The following MALRD1 variants were observed in gnomAD, a reference collection of about 807,000 sequenced individuals.
MALRD1 encodes MAM and LDL-receptor class A domain-containing protein 1.
MALRD1 carries 247 observed loss-of-function variants against 242.1 expected under a neutral mutation model. The ratio of observed to expected loss-of-function variants is 1.02; its 90% confidence interval spans 0.92 to 1.13. The LOEUF (loss-of-function observed/expected upper bound fraction) is 1.13. Ranked by LOEUF, MALRD1 falls within the 50% of genes most tolerant of loss-of-function variation. The pLI is 0.00. For synonymous variants in MALRD1, 995 were observed against 866.6 expected (o/e 1.15, Z -2.60); for missense variants, 2,989 against 2,533.1 (o/e 1.18, Z -3.86).
intron 7 of MALRD1, among the ~76,000 whole-genome samples, chr10:19,126,341 C>T (rs1837282320): frequency 6.6e-6 from 1 of 152,026 alleles, no homozygotes; most frequent in Admixed American, 6.6e-5. Context: ...TCTTGAGTTT[C>T]TATTAAACAC....
intron 23 of MALRD1, among the ~76,000 whole-genome samples, chr10:19,327,894 G>A (rs561313633): frequency 1.3e-5 from 2 of 152,080 alleles, no homozygotes; most frequent in South Asian, 4.2e-4. Context: ...GTACCTCTAG[G>A]AACATTTAAT....
chr10:19,255,665 GCTAA>G (rs1196578354), intron 18 of MALRD1, among the ~76,000 whole-genome samples: 4 of 152,000 alleles, frequency 2.6e-5, no homozygotes, highest in Non-Finnish European at 5.9e-5. Flanking sequence ...TCTCAAGAAT[GCTAA>G]CATTTAGAGG....
chr10:19,732,681 C>T (rs1327279068), intron 39 of MALRD1, among the ~76,000 whole-genome samples: 9 of 152,150 alleles, frequency 5.9e-5, no homozygotes, highest in Non-Finnish European at 1.3e-4. Context: ...ATTAGTGCCT[C>T]ATAAACTTGT....
chr10:19,115,815 G>T (rs565588070), intron 5 of MALRD1, among the ~76,000 whole-genome samples: 2 of 152,230 alleles, frequency 1.3e-5, no homozygotes, highest in African/African-American at 4.8e-5. Context: ...GGCAGAGGTT[G>T]CAGTGAGCTG....
intron 28 of MALRD1, among the ~76,000 whole-genome samples, chr10:19,438,735 G>C (rs1182220829): frequency 6.6e-6 from 1 of 152,140 alleles, no homozygotes; most frequent in South Asian, 2.1e-4. Context: ...GTTTACTTTA[G>C]TGTTCATACA....
Position 19,204,416 on chromosome 10 carries a change from A to G in MALRD1, c.2210+3A>G. The G allele has an allele frequency of 6.5e-7, 1 of 1,536,010 alleles. No individual in the cohort carries two copies. The highest frequency in any genetic ancestry group is 2.5e-5 in the East Asian group (1 of 40,804). ...CCTGGATGCATACTTTCCTTCTGGT[A>G]AATATTAAACAAATATTTAAACAAT... On this transcript the variant is annotated splice_donor_region_variant and intron_variant, in intron 16 of 39. Coordinates refer to ENST00000454679, the MANE Select transcript of MALRD1 (RefSeq NM_001142308.3).
intron 21 of MALRD1, among the ~76,000 whole-genome samples, chr10:19,315,726 T>C (rs1313196973): frequency 7.2e-6 from 1 of 137,934 alleles, no homozygotes; most frequent in Non-Finnish European, 1.5e-5. Context: ...TATTGCATAT[T>C]ATAATGTTAT....
chr10:19,372,840 A>C (rs1055598378), intron 26 of MALRD1, among the ~76,000 whole-genome samples: 7 of 152,150 alleles, frequency 4.6e-5, no homozygotes, highest in African/African-American at 1.7e-4. Context: ...ATTTAACTGG[A>C]TAAGAGAGCT....
chr10:19,630,826 A>G (rs1324177667), intron 36 of MALRD1, among the ~76,000 whole-genome samples: 1 of 152,176 alleles, frequency 6.6e-6, no homozygotes, highest in Non-Finnish European at 1.5e-5. Flanking sequence ...ATATATATTT[A>G]TATTGACAAG....
At chr10:19,630,194 T>G (rs1282614793) in intron 36 of MALRD1, among the ~76,000 whole-genome samples, 1 of 152,172 alleles carries the variant, frequency 6.6e-6, no homozygotes, top group Non-Finnish European at 1.5e-5. Context: ...ATGAAACTGG[T>G]TTATGTTCCT....
chr10:19,451,127 CT>C (rs1402977949), intron 29 of MALRD1, among the ~76,000 whole-genome samples: 1 of 152,140 alleles, frequency 6.6e-6, no homozygotes, highest in African/African-American at 2.4e-5. Flanking sequence ...TAATTTTTCC[CT>C]TCTGAATTTG....
intron 28 of MALRD1, among the ~76,000 whole-genome samples, chr10:19,441,005 G>A (rs1293435550): frequency 6.6e-6 from 1 of 151,938 alleles, no homozygotes; most frequent in Non-Finnish European, 1.5e-5. Flanking sequence ...TCCAGCACCT[G>A]TTGTTTCCTG....
At chr10:19,674,362 A>G (rs1012474492) in intron 36 of MALRD1, among the ~76,000 whole-genome samples, 5 of 152,140 alleles carry the variant, frequency 3.3e-5, no homozygotes, top group African/African-American at 4.8e-5. Context: ...TTTTATCTCC[A>G]TCTGATGGAA....
In MALRD1 at chr10:19,625,492, A is replaced by T. The variant is rs139375521; in HGVS notation, c.6137+9569A>T. 6.6e-3 allele frequency among the ~76,000 whole-genome samples: 1,007 copies of T among 152,186 alleles called. 3 individuals are homozygous for T. The highest frequency in any genetic ancestry group is 0.013 in the South Asian group (62 of 4,818). ...ATTCCCTGAACCCATAAGCATACAG[A>T]TCATATCCTGTGTGCAGTGCAGTGT... On this transcript the variant is annotated intron_variant, in intron 36 of 39. Transcript: ENST00000454679.
chr10:19,177,189 A>AGAATGGCGT (rs1269904139), intron 14 of MALRD1, among the ~76,000 whole-genome samples: 1 of 151,596 alleles, frequency 6.6e-6, no homozygotes, highest in African/African-American at 2.4e-5. Context: ...CTGAGGCAGG[A>AGAATGGCGT]GAATGGCGTG....
rs1835634868 is a variant in MALRD1, at chr10:19,184,043, C to T, written c.1951+8715C>T. Among the ~76,000 whole-genome samples, 5 of 152,186 alleles carry T rather than the reference C, an allele frequency of 3.3e-5. No homozygotes were observed. In the South Asian group the frequency reaches 1.0e-3, roughly 32 times the overall value. On this transcript the variant is annotated intron_variant, in intron 14 of 39. Coordinates refer to ENST00000454679, the MANE Select transcript of MALRD1 (RefSeq NM_001142308.3). The stretch of plus-strand genomic sequence containing the variant: ...GATACAACATATCTCAACAAAACTT[C>T]TCTGGACCTTCAGAAACTCTAAGGG...
At chr10:19,206,820 C>T (rs1031066164) in intron 17 of MALRD1, among the ~76,000 whole-genome samples, 10 of 152,246 alleles carry the variant, frequency 6.6e-5, no homozygotes, top group African/African-American at 2.2e-4. Context: ...AATAGAAAAA[C>T]GTGTTTGCTT....
chr10:19,730,686 A>T lies in MALRD1; in HGVS notation c.6315-20A>T. 6.5e-7 allele frequency: 1 copy of T among 1,535,778 alleles called. No individual in the cohort carries two copies. The highest frequency in any genetic ancestry group is 8.7e-7 in the Non-Finnish European group (1 of 1,146,308). On this transcript the variant is annotated intron_variant, in intron 38 of 39. Coordinates refer to ENST00000454679, the MANE Select transcript of MALRD1 (RefSeq NM_001142308.3). Reference sequence around the variant, plus strand: ...AAATGTCAATAGTTTTTTATTTTTGATGGCCCTGTGTGCTTTAAGGAAAAC... The same window carrying T: ...AAATGTCAATAGTTTTTTATTTTTGTTGGCCCTGTGTGCTTTAAGGAAAAC...
At chr10:19,387,838 T>C in intron 27 of MALRD1, 65 bp downstream of exon 27, 2 of 1,498,988 alleles carry the variant, frequency 1.3e-6, no homozygotes, top group Non-Finnish European at 1.8e-6. Context: ...AAATGTCTTT[T>C]CTGATAGCAA....
Sources: allele counts gnomAD v4.1 joint callset (sites outside exome capture counted in the v4.1 genomes callset), GRCh38; gene constraint gnomAD v4.1.1; transcripts MANE v1.5; gene names NCBI Gene and HGNC (gene_info 2026-07-23, HGNC 2026-07-21).